The following C14orf39 variants were observed in gnomAD, a reference collection of about 807,000 sequenced individuals.
C14orf39 encodes chromosome 14 open reading frame 39, also known as protein SIX6OS1.
In C14orf39, 66 loss-of-function variants were observed where a neutral mutation model predicts 85.6. That is an observed-to-expected ratio of 0.77 (90% CI 0.63 to 0.95). C14orf39 has a LOEUF of 0.95. C14orf39 is among the 40% of genes least tolerant of loss of function. The probability of loss-of-function intolerance (pLI) is 0.00; values close to 1 mark genes in which losing one functional copy is unlikely to be tolerated. For missense variants in C14orf39, 735 were observed against 663.9 expected, an observed-to-expected ratio of 1.11 and a Z score of -1.18; for synonymous variants, 242 against 214.0, an observed-to-expected ratio of 1.13 and a Z score of -1.14.
chr14:60,439,589 G>C (rs1469503540), intron 17 of C14orf39, among the ~76,000 whole-genome samples: 1 of 152,138 alleles, frequency 6.6e-6, no homozygotes, highest in Non-Finnish European at 1.5e-5. Context: ...CAGAAGGAGA[G>C]CAAGTTTCAT....
rs191129808 is a variant in C14orf39 at position 60,436,415 on chromosome 14, A to G, written c.*430T>C. 6.4e-6 allele frequency: 1 copy of G among 155,434 alleles called. No homozygotes were observed. The highest frequency in any genetic ancestry group is 1.4e-5 in the Non-Finnish European group (1 of 70,530). 9.6% of individuals were successfully genotyped at this position (155,434 alleles called of 1,614,324 possible). A position where few individuals can be genotyped will look rare whatever the true frequency, so the allele number is the denominator to read the frequency against. ...CATAGTGAAGCAGAAGTGAAACCCA[A>G]TAATTTTAATAGAAATTTTTAGTAG... On this transcript the variant is annotated 3_prime_UTR_variant, in exon 18 of 18. Transcript: ENST00000321731.
chr14:60,491,816 T>TTCTC lies in C14orf39; in HGVS notation c.-8-6734_-8-6731dup, dbSNP rs139438459. Among the ~76,000 whole-genome samples, 94 of 150,070 alleles carry TTCTC rather than the reference T, an allele frequency of 6.3e-4. No homozygotes were observed. The Middle Eastern group carries it at 0.01, about 17-fold the overall frequency. On this transcript the variant is annotated intron_variant, in intron 2 of 5. Transcript: ENST00000556799. The surrounding 1 kb of genome is among the most constrained non-coding windows in gnomAD (Gnocchi z 4.5). ...AAATGTAAATATTCTCTCTCTCTTTTTCTCTCTCTCTCTCTCTCTCACACA... is the reference window on the plus strand; with the variant it reads ...AAATGTAAATATTCTCTCTCTCTTTTTCTCTCTCTCTCTCTCTCTCTCTCACACA...
chr14:60,437,026 T>C lies in C14orf39; in HGVS notation c.1583A>G (p.Glu528Gly), dbSNP rs754617143. The C allele has an allele frequency of 1.4e-5, 23 of 1,606,406 alleles. No homozygotes were observed. In the Admixed American group the frequency reaches 3.9e-4, roughly 27 times the overall value. ...AGAAAATGTAAAGCCATCTTCTCCT[T>C]CTGGCTTCTCAAGTAAGTTTCCTAA... ...QEIGNLLEKP[E>G]GEDGFTFSFP... The change falls in exon 18 of 18, where the codon GAA becomes GGA. Residue 528 changes from glutamate (E) to glycine (G), a missense_variant. Physicochemically the swap from Glu to Gly is moderately conservative, Grantham distance 98 (BLOSUM62 -2). Transcript: ENST00000321731.
intron 2 of C14orf39, chr14:60,494,753 C>T (rs1893043404): frequency 6.6e-6 from 1 of 152,152 alleles, no homozygotes; most frequent in Non-Finnish European, 1.5e-5. Context: ...CCACTGCAGG[C>T]TAAAATGGGC....
intron 2 of C14orf39, chr14:60,495,705 C>A: frequency 5.4e-6 from 1 of 184,382 alleles, no homozygotes; most frequent in South Asian, 1.2e-4. Context: ...AAGGGTTTCT[C>A]TCCAAAGTGG....
chr14:60,509,871 A>C lies in C14orf39; in HGVS notation c.-144+5524T>G, dbSNP rs749617848. On this transcript the variant is annotated intron_variant, in intron 1 of 5. Coordinates refer to the C14orf39 transcript ENST00000556799. ...GATCCATACCCTAACCCCAGCAAAA[A>C]ACGTGAGCTCGCCCAGGCAACCGGA... The C allele has an allele frequency of 7.6e-5, 123 of 1,613,488 alleles. No homozygotes were observed. Among genetic ancestry groups the C allele is most frequent in the Non-Finnish European group, 8.5e-6 (10 of 1,179,760 alleles).
chr14:60,510,220 C>T (rs1368388006), intron 1 of C14orf39, among the ~76,000 whole-genome samples: 1 of 152,174 alleles, frequency 6.6e-6, no homozygotes, highest in African/African-American at 2.4e-5. Flanking sequence ...CAAACCAAGG[C>T]TTCACTGGGA....
At chr14:60,464,970 T>C (rs571967947) in intron 11 of C14orf39, among the ~76,000 whole-genome samples, 3 of 152,254 alleles carry the variant, frequency 2.0e-5, no homozygotes, top group East Asian at 3.9e-4. Flanking sequence ...TTTCTTCTAC[T>C]GTTTTAAAAC....
At chr14:60,473,108 G>C (rs988036225) in intron 5 of C14orf39, among the ~76,000 whole-genome samples, 1 of 152,184 alleles carries the variant, frequency 6.6e-6, no homozygotes, top group Non-Finnish European at 1.5e-5. Flanking sequence ...TAACTGGTGT[G>C]AGATGGTATC....
At chr14:60,485,123 G>T in intron 1 of C14orf39, 37 bp from the exon 2 acceptor site, 1 of 1,522,354 alleles carries the variant, frequency 6.6e-7, no homozygotes, top group South Asian at 1.2e-5. Context: ...AAGATTTTCT[G>T]AAGTCGTATG....
At chr14:60,459,464 G>A (rs181264232) in intron 13 of C14orf39, among the ~76,000 whole-genome samples, 9 of 151,408 alleles carry the variant, frequency 5.9e-5, no homozygotes, top group South Asian at 2.1e-4. Flanking sequence ...TTTTCCCAAC[G>A]GTTGTACCAA....
At position 60,478,286 on chromosome 14, in the gene C14orf39, T is replaced by C. The variant is rs374988972; in HGVS notation, c.323+14A>G. The C allele has an allele frequency of 7.6e-6, 10 of 1,315,768 alleles. No individual in the cohort carries two copies. In the African/African-American group the frequency reaches 1.5e-4, roughly 20 times the overall value. The allele number at this position is 1,315,768 out of a possible 1,614,324, so 81.5% of individuals were successfully genotyped here. A position where few individuals can be genotyped will look rare whatever the true frequency, so the allele number is the denominator to read the frequency against. On this transcript the variant is annotated intron_variant, in intron 5 of 17. Transcript: ENST00000321731. ...AAACTTATAGAATTGATAAACTTCA[T>C]ATAAGTACTATACTTGTCTTTTTCA...
chr14:60,461,520 A>C lies in C14orf39; in HGVS notation c.1046T>G (p.Phe349Cys). 2 of 1,591,384 alleles carry C rather than the reference A, an allele frequency of 1.3e-6. No individual in the cohort carries two copies. Among genetic ancestry groups the C allele is most frequent in the Non-Finnish European group, 1.7e-6 (2 of 1,171,108 alleles). The change falls in exon 12 of 18, where the codon TTT becomes TGT. Residue 349 changes from phenylalanine (F) to cysteine (C), a missense_variant. Phe to Cys is a radical substitution (Grantham distance 205, BLOSUM62 -2). Transcript: ENST00000321731. The part of the protein sequence containing the change: ...HITTITSSQK[F>C]MQVRLLTPQK... ...TTTAAAAAGTTACCTGACTTGCATA[A>C]ACTTTTGTGAACTTGTGATAGTCGT...
intron 5 of C14orf39, among the ~76,000 whole-genome samples, chr14:60,472,362 G>C (rs1313722866): frequency 6.6e-6 from 1 of 151,956 alleles, no homozygotes; most frequent in Non-Finnish European, 1.5e-5. Context: ...CACAAATCTT[G>C]AGTGAGACAG....
chr14:60,442,929 T>C (rs913268718), intron 16 of C14orf39, among the ~76,000 whole-genome samples: 3 of 152,100 alleles, frequency 2.0e-5, no homozygotes, highest in African/African-American at 7.2e-5. Context: ...TATTGGTACA[T>C]ATAAGCACTT....
chr14:60,485,221 GC>G (rs1341129317), intron 1 of C14orf39, 135 bp from the exon 2 acceptor site: 40 of 704,436 alleles, frequency 5.7e-5, no homozygotes, highest in Non-Finnish European at 8.8e-5. Context: ...AAGACGAGAG[GC>G]CCCCTTGAGC....
At chr14:60,444,229 G>C (rs1335218570) in intron 16 of C14orf39, among the ~76,000 whole-genome samples, 1 of 152,146 alleles carries the variant, frequency 6.6e-6, no homozygotes, top group Admixed American at 6.5e-5. Context: ...GGCTTCAGAA[G>C]GTCGGTAATA....
Position 60,509,665 on chromosome 14 carries a change from G to A in C14orf39, c.-144+5730C>T, listed in dbSNP as rs1893260616. On this transcript the variant is annotated intron_variant, in intron 1 of 5. Transcript: ENST00000556799. ...AGGAGTCGCACGCCAAGCTGCAGGC[G>A]CTGTGGCTTGAAGCACACTACCAGG... 6.2e-7 allele frequency: 1 copy of A among 1,613,942 alleles called. No individual in the cohort carries two copies. Among genetic ancestry groups the A allele is most frequent in the Non-Finnish European group, 8.5e-7 (1 of 1,180,022 alleles).
chr14:60,442,001 T>C (rs540619156), intron 17 of C14orf39, 73 bp downstream of exon 17: 3 of 986,670 alleles, frequency 3.0e-6, no homozygotes, highest in Admixed American at 4.2e-5. Context: ...CCTAAGAAAA[T>C]AAGTTAGAGA....
Sources: gnomAD v4.1 joint callset for allele counts (sites outside exome capture counted in the v4.1 genomes callset) on GRCh38, gnomAD v4.1.1 for gene constraint, Gnocchi (gnomAD v3.1) non-coding constraint, MANE v1.5 for transcripts, NCBI Gene and HGNC (gene_info 2026-07-23, HGNC 2026-07-21) for gene names.